The following HP1BP3 variants were observed in gnomAD, a reference collection of about 807,000 sequenced individuals.
HP1BP3 encodes the protein heterochromatin protein 1 binding protein 3.
Under a neutral mutation model 62.5 loss-of-function variants are expected in HP1BP3, and 12 were observed. The ratio of observed to expected loss-of-function variants is 0.19; its 90% CI spans 0.12 to 0.31. HP1BP3 has a LOEUF of 0.31. HP1BP3 is among the 10% of genes least tolerant of loss of function. The pLI is 1.00. For synonymous variants in HP1BP3, 260 were observed against 237.8 expected, an observed-to-expected ratio of 1.09 and a Z score of -0.86; for missense variants, 502 against 651.8, an observed-to-expected ratio of 0.77 and a Z score of 2.50.
chr1:20,779,702 C>G, intron 3 of HP1BP3, 110 bp downstream of exon 3: 1 of 629,920 alleles, frequency 1.6e-6, no homozygotes, highest in Non-Finnish European at 2.6e-6. Flanking sequence ...CCCCAAAACA[C>G]TTAGCCATGA....
intron 1 of HP1BP3, among the ~76,000 whole-genome samples, chr1:20,782,518 T>C (rs3014582): frequency 0.98 from 148,937 of 151,936 alleles, 73,052 homozygotes; most frequent in Middle Eastern, 1. Flanking sequence ...CAGAAGGTTT[T>C]GGATGCAGTA....
At chr1:20,767,414 T>A (rs572290683) in intron 7 of HP1BP3, among the ~76,000 whole-genome samples, 170 bp downstream of exon 7, 24 of 152,340 alleles carry the variant, frequency 1.6e-4, no homozygotes, top group African/African-American at 5.8e-4. Flanking sequence ...GATCTGCACC[T>A]TGGCTATTCT....
At position 20,784,776 on chromosome 1, in the gene HP1BP3, T is replaced by G. The variant is rs1014283556; in HGVS notation, c.-101+2419A>C. 4.1e-4 allele frequency among the ~76,000 whole-genome samples: 62 copies of G among 152,096 alleles called. 1 individual carries two copies. The highest frequency in any genetic ancestry group is 1.3e-3 in the African/African-American group (54 of 41,428). ...CAGGCGTGAGCCACCGTGCCCGGCC[T>G]ATTCATGTTTTTCATCTTGGTTTTT... On this transcript the variant is annotated intron_variant, in intron 1 of 12. Coordinates refer to ENST00000438032, the MANE Select transcript of HP1BP3 (RefSeq NM_001372052.1).
rs542901834 is a variant in HP1BP3 at position 20,751,404 on chromosome 1, A to G, written c.982-1522T>C. Among the ~76,000 whole-genome samples the G allele has an allele frequency of 3.3e-5, 5 of 152,152 alleles. No individual in the cohort carries two copies. The East Asian group carries it at 9.7e-4, about 29-fold the overall frequency. ...AAATAGCCCTTTTAATCCTATGAGG[A>G]AAATAGCAGTGAAAAATTTTGATAA... On this transcript the variant is annotated intron_variant, in intron 9 of 12. Transcript: ENST00000438032.
Position 20,744,550 on chromosome 1 carries a change from C to T in HP1BP3, c.*247G>A, listed in dbSNP as rs2055191424. Reference sequence around the variant, plus strand: ...GAGGCAGAGAAAAAGGACAAGTATACATTACATAGTTTAGGAAAGTCCAGG... The same window carrying T: ...GAGGCAGAGAAAAAGGACAAGTATATATTACATAGTTTAGGAAAGTCCAGG... On this transcript the variant is annotated 3_prime_UTR_variant, in exon 13 of 13. Coordinates refer to ENST00000438032, the MANE Select transcript of HP1BP3 (RefSeq NM_001372052.1). 4.7e-6 allele frequency: 2 copies of T among 427,156 alleles called. No individual in the cohort carries two copies. Among genetic ancestry groups the T allele is most frequent in the Non-Finnish European group, 8.3e-6 (2 of 241,716 alleles). 26.5% of individuals were successfully genotyped at this position (427,156 alleles called of 1,614,324 possible). A position where few individuals can be genotyped will look rare whatever the true frequency, so the allele number is the denominator to read the frequency against.
intron 8 of HP1BP3, among the ~76,000 whole-genome samples, chr1:20,764,129 G>T (rs965661739): frequency 5.3e-5 from 8 of 152,006 alleles, no homozygotes; most frequent in South Asian, 4.1e-4. Flanking sequence ...ATAATAAAAT[G>T]AAATGTCTTG....
At chr1:20,777,252 T>TTA (rs965674194) in intron 3 of HP1BP3, among the ~76,000 whole-genome samples, 1 of 151,378 alleles carries the variant, frequency 6.6e-6, no homozygotes, top group African/African-American at 2.4e-5. Flanking sequence ...CAGGCACTGG[T>TTA]TATGCAGGGA....
chr1:20,780,612 C>A (rs2057499653), intron 1 of HP1BP3, 72 bp from the exon 2 acceptor site: 3 of 583,550 alleles, frequency 5.1e-6, no homozygotes, highest in South Asian at 4.6e-5. Flanking sequence ...AAATTTAATA[C>A]ACATCCAAAG....
chr1:20,761,917 G>C (rs1430336213), intron 8 of HP1BP3, among the ~76,000 whole-genome samples: 2 of 152,150 alleles, frequency 1.3e-5, no homozygotes, highest in Non-Finnish European at 2.9e-5. Flanking sequence ...CCATTGAGAG[G>C]GCAGCTGGTA....
intron 11 of HP1BP3, among the ~76,000 whole-genome samples, chr1:20,746,187 T>C (rs895958834): frequency 4.3e-4 from 2 of 4,614 alleles, no homozygotes; most frequent in Non-Finnish European, 1.0e-3. Flanking sequence ...CATACATATA[T>C]GTGTGTGTGT....
At chr1:20,745,748 C>G in intron 11 of HP1BP3, 92 bp from the exon 12 acceptor site, 3 of 1,304,118 alleles carry the variant, frequency 2.3e-6, no homozygotes, top group Non-Finnish European at 3.2e-6. Context: ...ACATATCCCA[C>G]TTCTTCCCAC....
At chr1:20,750,679 T>C (rs1158832114) in intron 9 of HP1BP3, among the ~76,000 whole-genome samples, 1 of 152,070 alleles carries the variant, frequency 6.6e-6, no homozygotes, top group African/African-American at 2.4e-5. Flanking sequence ...GATTTTCTTC[T>C]GCCTCTGCCC....
chr1:20,751,742 A>T (rs1373892657), intron 9 of HP1BP3, among the ~76,000 whole-genome samples: 12 of 128,136 alleles, frequency 9.4e-5, no homozygotes, highest in Admixed American at 2.3e-4. Context: ...ATAATAAACT[A>T]AAAAAAAAAA....
rs181616299 is a variant in HP1BP3, at chr1:20,780,431, C to T, written c.10G>A (p.Asp4Asn). The change falls in exon 2 of 13, where the codon GAT becomes AAT. Residue 4 changes from aspartate to asparagine, a missense_variant. Physicochemically the swap from Asp to Asn is conservative, Grantham distance 23 (BLOSUM62 1). This residue lies in a region of HP1BP3 where 165 missense variants were observed against 156.4 expected (regional missense o/e 1.05). Coordinates refer to ENST00000438032, the MANE Select transcript of HP1BP3 (RefSeq NM_001372052.1). MAT[D>N]TSQGELVHPK... ...TGGACGAGTTCACCTTGAGACGTAT[C>T]AGTCGCCATTTTAAATAATTTCTAG... 3 of 1,612,150 alleles carry T rather than the reference C, an allele frequency of 1.9e-6. No homozygotes were observed. The highest frequency in any genetic ancestry group is 8.5e-7 in the Non-Finnish European group (1 of 1,178,182).
intron 9 of HP1BP3, among the ~76,000 whole-genome samples, chr1:20,754,528 G>A (rs1482194630): frequency 6.6e-6 from 1 of 151,726 alleles, no homozygotes; most frequent in African/African-American, 2.4e-5. Flanking sequence ...ACCCGGCATA[G>A]TCAAAACATT....
rs1212299051 is a variant in HP1BP3 at position 20,773,541 on chromosome 1, A to G, written c.420T>C (p.Ser140=). ...TCTGGGCCCTGGCTAGCTGGCTGGC[A>G]GAAAGGGTAGCCCAGGAAGGAATTG... The part of the protein sequence containing the change: ...KKTIPSWATL[S]ASQLARAQKQ... The change falls in exon 5 of 13, where the codon TCT becomes TCC. Residue 140 remains serine, a synonymous_variant. Coordinates refer to ENST00000438032, the MANE Select transcript of HP1BP3 (RefSeq NM_001372052.1). 6.2e-6 allele frequency: 10 copies of G among 1,612,072 alleles called. No individual in the cohort carries two copies. The highest frequency in any genetic ancestry group is 8.5e-6 in the Non-Finnish European group (10 of 1,178,756).
In HP1BP3 at chr1:20,741,028, A is replaced by G. The variant is rs554035541; in HGVS notation, c.*3769T>C. Reference sequence around the variant, plus strand: ...AGTGACCATCTGTTCCACCATGAAAATGCAAAAGCAAAATCTACATGCTAG... The same window carrying G: ...AGTGACCATCTGTTCCACCATGAAAGTGCAAAAGCAAAATCTACATGCTAG... On this transcript the variant is annotated 3_prime_UTR_variant, in exon 13 of 13. Transcript: ENST00000438032. Among the ~76,000 whole-genome samples, 19 of 152,340 alleles carry G rather than the reference A, an allele frequency of 1.2e-4. 1 individual carries two copies. The South Asian group carries it at 3.7e-3, about 30-fold the overall frequency.
Position 20,780,489 on chromosome 1 carries a change from C to T in HP1BP3, c.-49G>A. The T allele has an allele frequency of 7.7e-7, 1 of 1,304,008 alleles. No homozygotes were observed. Among genetic ancestry groups the T allele is most frequent in the Non-Finnish European group, 1.1e-6 (1 of 898,846 alleles). 80.8% of individuals were successfully genotyped at this position (1,304,008 alleles called of 1,614,324 possible). ...TACAGGTTACACTCTGAAGCCTCTGCTGTTAACCACAAGGATTTTTCCTAA... is the reference window on the plus strand; with the variant it reads ...TACAGGTTACACTCTGAAGCCTCTGTTGTTAACCACAAGGATTTTTCCTAA... On this transcript the variant is annotated 5_prime_UTR_variant, in exon 2 of 13. Coordinates refer to ENST00000438032, the MANE Select transcript of HP1BP3 (RefSeq NM_001372052.1).
rs373824230 is a variant in HP1BP3 at position 20,747,287 on chromosome 1, A to G, written c.1253+257T>C. Reference sequence around the variant, plus strand: ...GTGGACTTTTTTTTTTCAACCAGACACAGATCAGAAATACAACATCCACAG... The same window carrying G: ...GTGGACTTTTTTTTTTCAACCAGACGCAGATCAGAAATACAACATCCACAG... On this transcript the variant is annotated intron_variant, in intron 11 of 12. Coordinates refer to ENST00000438032, the MANE Select transcript of HP1BP3 (RefSeq NM_001372052.1). Among the ~76,000 whole-genome samples, 8 of 152,206 alleles carry G rather than the reference A, an allele frequency of 5.3e-5. 1 individual carries two copies. Among genetic ancestry groups the G allele is most frequent in the African/African-American group, 1.9e-4 (8 of 41,524 alleles).
Sources: allele counts gnomAD v4.1 joint callset (sites outside exome capture counted in the v4.1 genomes callset), GRCh38; gene constraint gnomAD v4.1.1; regional missense constraint gnomAD v4.1.1; transcripts MANE v1.5; gene names NCBI Gene and HGNC (gene_info 2026-07-23, HGNC 2026-07-21).